The following PBLD variants were observed in gnomAD, a reference collection of about 807,000 sequenced individuals.
The protein encoded by PBLD is phenazine biosynthesis-like domain-containing protein.
Under a neutral mutation model 31.3 loss-of-function variants are expected in PBLD, and 26 were observed. The observed-to-expected ratio is 0.83, with a 90% confidence interval of 0.61 to 1.15. The LOEUF (loss-of-function observed/expected upper bound fraction) is 1.15, where lower values mean the gene tolerates loss of function less well. Among genes scored for constraint, PBLD ranks in the 50% most tolerant of loss-of-function variants. PBLD has a pLI of 0.00. For synonymous variants in PBLD, 114 were observed against 129.0 expected (o/e 0.88, Z 0.79); for missense variants, 307 against 351.7 (o/e 0.87, Z 1.02).
intron 2 of PBLD, among the ~76,000 whole-genome samples, chr10:68,306,196 C>T (rs1432785273): frequency 1.3e-5 from 2 of 151,514 alleles, no homozygotes; most frequent in African/African-American, 4.9e-5. Context: ...TTAACTATTC[C>T]ATTAATATGT....
At chr10:68,317,942 G>A (rs2044756750) in intron 1 of PBLD, among the ~76,000 whole-genome samples, 1 of 151,660 alleles carries the variant, frequency 6.6e-6, no homozygotes, top group African/African-American at 2.4e-5. Flanking sequence ...AAAAAATAAA[G>A]TAAGGCCGGG....
intron 6 of PBLD, among the ~76,000 whole-genome samples, chr10:68,289,740 C>A (rs2044334750): frequency 6.6e-6 from 1 of 150,688 alleles, no homozygotes; most frequent in Non-Finnish European, 1.5e-5. Context: ...CTCTAAATCC[C>A]TACTGTCCAT....
intron 1 of PBLD, among the ~76,000 whole-genome samples, chr10:68,310,365 G>GTATATATATATATATATATATA (rs34887418): frequency 3.6e-5 from 5 of 140,302 alleles, no homozygotes; most frequent in Admixed American, 7.5e-5. Context: ...ATGTTTTGAA[G>GTATATATATATATATATATATA]TATATATATA....
chr10:68,323,297 C>T (rs147768217), intron 1 of PBLD, among the ~76,000 whole-genome samples: 4 of 152,100 alleles, frequency 2.6e-5, no homozygotes, highest in East Asian at 3.9e-4. Context: ...CATGGTGGCT[C>T]ACGCCTGTAA....
chr10:68,292,509 C>T (rs1448616484), intron 4 of PBLD, among the ~76,000 whole-genome samples: 1 of 79,746 alleles, frequency 1.3e-5, no homozygotes, highest in Admixed American at 1.5e-4. Context: ...CTAACTTAGC[C>T]TCCTTTTTTT....
At chr10:68,300,261 G>A (rs1221342752) in intron 2 of PBLD, among the ~76,000 whole-genome samples, 2 of 152,142 alleles carry the variant, frequency 1.3e-5, no homozygotes, top group African/African-American at 2.4e-5. Flanking sequence ...TGCCCAACAC[G>A]TAGTAGGTAC....
chr10:68,325,563 T>C (rs2044906617), intron 1 of PBLD, among the ~76,000 whole-genome samples: 1 of 152,056 alleles, frequency 6.6e-6, no homozygotes, highest in African/African-American at 2.4e-5. Flanking sequence ...AGACTGCATC[T>C]CAAAAACAAT....
chr10:68,319,653 G>A (rs1589672077), intron 1 of PBLD, among the ~76,000 whole-genome samples: 1 of 151,908 alleles, frequency 6.6e-6, no homozygotes. Flanking sequence ...CCTGGGAGGC[G>A]GAGGTTGCAG....
chr10:68,296,738 T>C (rs2044433231), intron 3 of PBLD, 148 bp downstream of exon 3: 2 of 676,454 alleles, frequency 3.0e-6, no homozygotes, highest in Non-Finnish European at 5.1e-6. Flanking sequence ...GTGTGGTGGC[T>C]CACACCTATA....
At chr10:68,330,709 CGTGTGTGTGTGT>C (rs56166847) in intron 1 of PBLD, among the ~76,000 whole-genome samples, 5,307 of 142,854 alleles carry the variant, frequency 0.037, 149 homozygotes, top group South Asian at 0.051. Context: ...CCACGCCCGG[CGTGTGTGTGTGT>C]GTGTGTGTGT....
intron 6 of PBLD, among the ~76,000 whole-genome samples, chr10:68,291,477 A>G (rs1220955474): frequency 6.6e-6 from 1 of 151,930 alleles, no homozygotes; most frequent in Non-Finnish European, 1.5e-5. Flanking sequence ...CCCATCCTTT[A>G]CTACAGAAAC....
chr10:68,292,073 A>G (rs2044366141), intron 5 of PBLD, 34 bp from the exon 6 acceptor site: 3 of 1,596,898 alleles, frequency 1.9e-6, no homozygotes, highest in Non-Finnish European at 2.6e-6. Context: ...AATTATTATA[A>G]AACAGGAGAG....
Position 68,309,805 on chromosome 10 carries a change from CAAAA to C in PBLD, c.-59-2906_-59-2903del, listed in dbSNP as rs757212310. On this transcript the variant is annotated intron_variant, in intron 1 of 9. Coordinates refer to ENST00000358769, the MANE Select transcript of PBLD (RefSeq NM_022129.4). ...CTGGTGACAGAGAGAGACTCCGTCT[CAAAA>C]AAAAAAAAAAAAAGAAAGAAAGAAA... Among the ~76,000 whole-genome samples the C allele has an allele frequency of 7.6e-5, 10 of 131,884 alleles. 1 individual carries two copies. Among genetic ancestry groups the C allele is most frequent in the East Asian group, 4.7e-4 (2 of 4,264 alleles). 86.5% of individuals were successfully genotyped at this position (131,884 alleles called of 152,430 possible).
chr10:68,304,411 C>T (rs767243682), intron 2 of PBLD, among the ~76,000 whole-genome samples: 1 of 152,166 alleles, frequency 6.6e-6, no homozygotes, highest in African/African-American at 2.4e-5. Context: ...AGAGAGCATC[C>T]CCAAATCATG....
At chr10:68,304,825 G>T (rs2044554589) in intron 2 of PBLD, among the ~76,000 whole-genome samples, 1 of 152,208 alleles carries the variant, frequency 6.6e-6, no homozygotes, top group South Asian at 2.1e-4. Context: ...ACAGGAAGTT[G>T]TGTCTGCCAG....
chr10:68,289,917 G>C (rs144440943), intron 6 of PBLD, among the ~76,000 whole-genome samples: 1 of 152,286 alleles, frequency 6.6e-6, no homozygotes, highest in African/African-American at 2.4e-5. Flanking sequence ...GTCCTGTGCT[G>C]CTCTGCTTGG....
intron 1 of PBLD, among the ~76,000 whole-genome samples, chr10:68,323,362 G>A (rs10823177): frequency 0.35 from 53,006 of 151,874 alleles, 9,628 homozygotes; most frequent in Middle Eastern, 0.43. Flanking sequence ...AGGGGTTCAA[G>A]ACCAGGTGGG....
At chr10:68,314,377 T>C (rs2044708596) in intron 1 of PBLD, among the ~76,000 whole-genome samples, 1 of 152,152 alleles carries the variant, frequency 6.6e-6, no homozygotes, top group African/African-American at 2.4e-5. Context: ...GAAAACTTGG[T>C]CCACATATTC....
chr10:68,298,817 G>A (rs572518285), intron 2 of PBLD, among the ~76,000 whole-genome samples: 1 of 151,344 alleles, frequency 6.6e-6, no homozygotes, highest in Admixed American at 6.6e-5. Flanking sequence ...CAAGAAAAAA[G>A]TGGACCCAGC....
Sources: gnomAD v4.1 joint callset for allele counts (sites outside exome capture counted in the v4.1 genomes callset) on GRCh38, gnomAD v4.1.1 for gene constraint, MANE v1.5 for transcripts, NCBI Gene and HGNC (gene_info 2026-07-23, HGNC 2026-07-21) for gene names.